PACSIN2: variants seen among roughly 807,000 people sequenced by gnomAD.
PACSIN2 encodes the protein protein kinase C and casein kinase substrate in neurons 2.
A neutral mutation model predicts 63.8 loss-of-function variants in PACSIN2; 25 were observed. The ratio of observed to expected loss-of-function variants is 0.39; its 90% CI spans 0.29 to 0.55. The LOEUF (loss-of-function observed/expected upper bound fraction) is 0.55, where lower values mean the gene tolerates loss of function less well. PACSIN2 is among the 20% of genes least tolerant of loss of function. The probability of loss-of-function intolerance (pLI) is 0.62; values close to 1 mark genes in which losing one functional copy is unlikely to be tolerated. For missense variants in PACSIN2, 518 were observed against 646.9 expected (o/e 0.80, Z 2.16); for synonymous variants, 255 against 256.2 (o/e 1.00, Z 0.05).
intron 1 of PACSIN2, among the ~76,000 whole-genome samples, chr22:42,968,795 C>G (rs560754511): frequency 6.6e-6 from 1 of 152,206 alleles, no homozygotes; most frequent in South Asian, 2.1e-4. Context: ...CCTTGGGCCA[C>G]GGAACCCCAA....
chr22:42,895,633 GA>G, intron 2 of PACSIN2, among the ~76,000 whole-genome samples: 1 of 152,348 alleles, frequency 6.6e-6, no homozygotes, highest in Admixed American at 6.5e-5. Context: ...GACAACTCTT[GA>G]AATGTGGAAA....
At chr22:42,983,654 G>A (rs1388640471) in intron 1 of PACSIN2, among the ~76,000 whole-genome samples, 1 of 152,126 alleles carries the variant, frequency 6.6e-6, no homozygotes, top group Non-Finnish European at 1.5e-5. Context: ...AAGAGATAGG[G>A]TCTTGCTATG....
chr22:43,005,054 A>G (rs1924006171), intron 1 of PACSIN2, among the ~76,000 whole-genome samples: 1 of 152,272 alleles, frequency 6.6e-6, no homozygotes, highest in Non-Finnish European at 1.5e-5. Flanking sequence ...TTACTTAAAC[A>G]TTAATCTAAA....
At chr22:42,989,695 G>T (rs1226209846) in intron 1 of PACSIN2, among the ~76,000 whole-genome samples, 1 of 151,984 alleles carries the variant, frequency 6.6e-6, no homozygotes, top group Non-Finnish European at 1.5e-5. Context: ...CTACTTGGGA[G>T]GCTGAGGTAG....
intron 1 of PACSIN2, among the ~76,000 whole-genome samples, chr22:42,997,808 G>C (rs1366948057): frequency 6.6e-6 from 1 of 152,096 alleles, no homozygotes; most frequent in African/African-American, 2.4e-5. Context: ...CTGAACCCGT[G>C]AGGTGGAGGA....
chr22:42,974,816 AAAG>A (rs200235214), intron 1 of PACSIN2, among the ~76,000 whole-genome samples: 178 of 151,740 alleles, frequency 1.2e-3, no homozygotes, highest in Non-Finnish European at 8.8e-4. Context: ...AAGAAAAGAG[AAAG>A]AAGAAGAAGA....
intron 1 of PACSIN2, chr22:42,945,712 C>T (rs112051070): frequency 0.02 from 3,103 of 152,606 alleles, 58 homozygotes; most frequent in Middle Eastern, 0.078. Flanking sequence ...TTGGCTCTGT[C>T]CCCATGATGA....
At chr22:43,003,023 C>T (rs1923862715) in intron 1 of PACSIN2, among the ~76,000 whole-genome samples, 1 of 152,234 alleles carries the variant, frequency 6.6e-6, no homozygotes, top group African/African-American at 2.4e-5. Flanking sequence ...GGCACCTGAT[C>T]TCACTACCTA....
chr22:42,952,928 A>C (rs892770892), intron 1 of PACSIN2, among the ~76,000 whole-genome samples: 7 of 152,156 alleles, frequency 4.6e-5, no homozygotes, highest in Non-Finnish European at 8.8e-5. Context: ...GGCCTCCCAC[A>C]GTGTTGGGAT....
chr22:42,984,543 G>A (rs1388862419), intron 1 of PACSIN2, among the ~76,000 whole-genome samples: 2 of 152,110 alleles, frequency 1.3e-5, no homozygotes, highest in African/African-American at 4.8e-5. Context: ...AGAAAAGCAG[G>A]ACTGTGATCT....
At chr22:42,975,104 T>G (rs1921600513) in intron 1 of PACSIN2, among the ~76,000 whole-genome samples, 1 of 152,208 alleles carries the variant, frequency 6.6e-6, no homozygotes, top group Admixed American at 6.5e-5. Flanking sequence ...TTGGTCTTGT[T>G]CTGACACTCA....
At chr22:42,891,357 G>A (rs142894255) in intron 3 of PACSIN2, among the ~76,000 whole-genome samples, 175 bp from the exon 4 acceptor site, 1 of 152,248 alleles carries the variant, frequency 6.6e-6, no homozygotes, top group East Asian at 1.9e-4. Context: ...AGCTGAATTT[G>A]CTCTGCCCCT....
chr22:43,009,521 C>G (rs917466338), intron 1 of PACSIN2, among the ~76,000 whole-genome samples: 10 of 152,186 alleles, frequency 6.6e-5, no homozygotes, highest in African/African-American at 2.4e-4. Context: ...GTCACAGTTG[C>G]TATCAGATTT....
chr22:42,945,208 T>C (rs1238846374), intron 1 of PACSIN2, among the ~76,000 whole-genome samples: 1 of 104,510 alleles, frequency 9.6e-6, no homozygotes, highest in Non-Finnish European at 1.9e-5. Flanking sequence ...CACCGGCAAT[T>C]ACCAAGCTGA....
intron 1 of PACSIN2, among the ~76,000 whole-genome samples, chr22:42,927,136 C>G (rs935023234): frequency 6.6e-6 from 1 of 152,228 alleles, no homozygotes; most frequent in Admixed American, 6.5e-5. Context: ...CTTGCTTCTC[C>G]CATCATCTAT....
intron 1 of PACSIN2, among the ~76,000 whole-genome samples, chr22:43,014,376 C>CA (rs1273091075): frequency 1.5e-3 from 27 of 18,586 alleles, no homozygotes; most frequent in Non-Finnish European, 2.1e-3. Flanking sequence ...CACCCCCCCC[C>CA]CCCCGGGACA....
chr22:42,891,391 A>C (rs755067971), intron 3 of PACSIN2, among the ~76,000 whole-genome samples: 2 of 152,094 alleles, frequency 1.3e-5, no homozygotes, highest in Non-Finnish European at 2.9e-5. Context: ...TTGGGGGATT[A>C]CATGCCTTTC....
chr22:42,919,772 CAAAAAAAA>C (rs761464603), intron 1 of PACSIN2, among the ~76,000 whole-genome samples: 10 of 48,790 alleles, frequency 2.0e-4, no homozygotes, highest in African/African-American at 2.5e-4. Flanking sequence ...GAACCTGTCT[CAAAAAAAA>C]AAAAAAAAAA....
chr22:42,910,130 ACCT>A (rs1277593815), intron 2 of PACSIN2, among the ~76,000 whole-genome samples: 2 of 152,052 alleles, frequency 1.3e-5, no homozygotes, highest in East Asian at 3.9e-4. Flanking sequence ...TCAAACCCAG[ACCT>A]CCTGGCTCCA....
Sources: gnomAD v4.1 joint callset for allele counts (sites outside exome capture counted in the v4.1 genomes callset) on GRCh38, gnomAD v4.1.1 for gene constraint, MANE v1.5 for transcripts, NCBI Gene and HGNC (gene_info 2026-07-23, HGNC 2026-07-21) for gene names.